ERC2: variants seen among roughly 807,000 people sequenced by gnomAD.
The protein encoded by ERC2 is ELKS/RAB6-interacting/CAST family member 2.
ERC2 carries 42 observed loss-of-function variants against 114.8 expected under a neutral mutation model. The observed-to-expected ratio is 0.37, with a 90% CI of 0.29 to 0.47. The LOEUF (loss-of-function observed/expected upper bound fraction) is 0.47, where lower values mean the gene tolerates loss of function less well. Among genes scored for constraint, ERC2 ranks in the 20% least tolerant of loss-of-function variants. The pLI, the probability that ERC2 is intolerant of heterozygous loss-of-function variation, is 0.99. For synonymous variants in ERC2, 454 were observed against 425.5 expected (o/e 1.07, Z -0.82); for missense variants, 939 against 1,150.7 (o/e 0.82, Z 2.66).
At chr3:56,135,152 A>T (rs9811952) in intron 6 of ERC2, among the ~76,000 whole-genome samples, 9,733 of 151,828 alleles carry the variant, frequency 0.064, 421 homozygotes, top group African/African-American at 0.12. Context: ...AGGGTTTCAC[A>T]ATGTTGGTCA....
intron 14 of ERC2, among the ~76,000 whole-genome samples, chr3:55,815,080 A>G (rs2059859009): frequency 6.6e-6 from 1 of 152,136 alleles, no homozygotes. Context: ...TCAGCTCCAA[A>G]AGGCAAACTC....
At chr3:55,620,516 G>A (rs1399668626) in intron 17 of ERC2, among the ~76,000 whole-genome samples, 1 of 152,154 alleles carries the variant, frequency 6.6e-6, no homozygotes, top group East Asian at 1.9e-4. Flanking sequence ...AGAAGGATCG[G>A]CATAAACACA....
At chr3:56,336,325 G>T (rs2057845494) in intron 2 of ERC2, among the ~76,000 whole-genome samples, 1 of 152,208 alleles carries the variant, frequency 6.6e-6, no homozygotes, top group South Asian at 2.1e-4. Flanking sequence ...TGTTGTGGTT[G>T]GAACATAGAA....
chr3:55,799,919 C>T (rs1341209885), intron 14 of ERC2, among the ~76,000 whole-genome samples: 1 of 152,078 alleles, frequency 6.6e-6, no homozygotes, highest in Non-Finnish European at 1.5e-5. Flanking sequence ...AGGCAATATG[C>T]ATAACCCAGG....
At chr3:55,830,503 A>T (rs1461494816) in intron 14 of ERC2, among the ~76,000 whole-genome samples, 1 of 152,214 alleles carries the variant, frequency 6.6e-6, no homozygotes, top group Non-Finnish European at 1.5e-5. Context: ...GTTTCAATGT[A>T]CATATATAAT....
chr3:55,718,491 C>T (rs2064255972), intron 15 of ERC2, among the ~76,000 whole-genome samples: 1 of 152,164 alleles, frequency 6.6e-6, no homozygotes, highest in Non-Finnish European at 1.5e-5. Context: ...AAGGGGGAAC[C>T]TATTATCAAG....
At chr3:55,630,459 A>C (rs2059706406) in intron 17 of ERC2, among the ~76,000 whole-genome samples, 1 of 152,152 alleles carries the variant, frequency 6.6e-6, no homozygotes, top group African/African-American at 2.4e-5. Flanking sequence ...GTGAGCCACC[A>C]CGCCCGGCCA....
intron 3 of ERC2, among the ~76,000 whole-genome samples, chr3:56,266,561 A>G (rs900217390): frequency 1.3e-5 from 2 of 152,152 alleles, no homozygotes; most frequent in Non-Finnish European, 2.9e-5. Context: ...TCAAAACCAC[A>G]ATGAGATATC....
At chr3:55,541,914 AC>A (rs2054423658) in intron 17 of ERC2, among the ~76,000 whole-genome samples, 1 of 152,242 alleles carries the variant, frequency 6.6e-6, no homozygotes, top group South Asian at 2.1e-4. Flanking sequence ...AAGTTGCTAG[AC>A]TTGAAAGAGT....
intron 13 of ERC2, among the ~76,000 whole-genome samples, chr3:55,896,154 A>T (rs947269133): frequency 1.2e-4 from 19 of 152,222 alleles, no homozygotes; most frequent in African/African-American, 4.6e-4. Flanking sequence ...GGCATCTCCC[A>T]CATGCCAGGC....
intron 17 of ERC2, among the ~76,000 whole-genome samples, chr3:55,648,981 G>A (rs2060502543): frequency 1.3e-5 from 2 of 152,072 alleles, no homozygotes; most frequent in Non-Finnish European, 2.9e-5. Context: ...GAACAAGGCC[G>A]GGCAGGGACA....
intron 2 of ERC2, among the ~76,000 whole-genome samples, chr3:56,323,136 A>G (rs1334616325): frequency 2.0e-5 from 3 of 152,194 alleles, no homozygotes; most frequent in Non-Finnish European, 4.4e-5. Context: ...TCCAGCCACC[A>G]GAATCATGGG....
chr3:56,226,343 G>C (rs924230623), intron 3 of ERC2, among the ~76,000 whole-genome samples: 26 of 152,234 alleles, frequency 1.7e-4, no homozygotes, highest in Middle Eastern at 3.4e-3. Flanking sequence ...ATGCCTAGTG[G>C]TGCTAGAAAT....
chr3:55,883,919 CAACAA>C (rs1559812995), intron 14 of ERC2, among the ~76,000 whole-genome samples: 18 of 151,830 alleles, frequency 1.2e-4, no homozygotes, highest in African/African-American at 3.9e-4. Flanking sequence ...ACAACAACAA[CAACAA>C]CAACACCACA....
At chr3:56,281,046 A>C (rs901636564) in intron 3 of ERC2, among the ~76,000 whole-genome samples, 9 of 152,244 alleles carry the variant, frequency 5.9e-5, no homozygotes, top group Non-Finnish European at 1.2e-4. Flanking sequence ...AATCATAAGA[A>C]GTTCTTAAGT....
intron 2 of ERC2, among the ~76,000 whole-genome samples, chr3:56,372,076 A>G (rs1457853373): frequency 6.6e-6 from 1 of 152,226 alleles, no homozygotes; most frequent in Non-Finnish European, 1.5e-5. Context: ...TTGATGGGAA[A>G]GAGAGTTGCC....
Position 55,540,277 on chromosome 3 carries a change from A to G in ERC2, c.*40-29001T>C, listed in dbSNP as rs192005432. On this transcript the variant is annotated intron_variant, in intron 17 of 17. Transcript: ENST00000288221. ...TGTGATTTTTAAGGGAGAAAACAGA[A>G]TGCACTTGGGGAACTGGGGAGCAAG... is the stretch of plus-strand genomic sequence containing the variant. Among the ~76,000 whole-genome samples, 8 of 152,336 alleles carry G rather than the reference A, an allele frequency of 5.3e-5. No individual in the cohort carries two copies. The East Asian group carries it at 1.5e-3, about 29-fold the overall frequency.
chr3:56,107,262 C>CCTTTTTT (rs2078716722), intron 6 of ERC2, among the ~76,000 whole-genome samples: 1 of 140,890 alleles, frequency 7.1e-6, no homozygotes, highest in African/African-American at 2.6e-5. Flanking sequence ...ATTAAATCCA[C>CCTTTTTT]TTTTTTTTTT....
At chr3:56,056,195 C>A (rs900190247) in intron 7 of ERC2, among the ~76,000 whole-genome samples, 1 of 152,176 alleles carries the variant, frequency 6.6e-6, no homozygotes, top group African/African-American at 2.4e-5. Context: ...CATCTGGAGA[C>A]AAATGCTTTT....
Sources: allele counts gnomAD v4.1 joint callset (sites outside exome capture counted in the v4.1 genomes callset), GRCh38; gene constraint gnomAD v4.1.1; transcripts MANE v1.5; gene names NCBI Gene and HGNC (gene_info 2026-07-23, HGNC 2026-07-21).